The following ARHGAP26 variants were observed in gnomAD, a reference collection of about 807,000 sequenced individuals.
The protein encoded by ARHGAP26 is Rho GTPase activating protein 26.
Under a neutral mutation model 104.8 loss-of-function variants are expected in ARHGAP26, and 38 were observed. The observed-to-expected ratio is 0.36, with a 90% CI of 0.28 to 0.48. ARHGAP26 has a LOEUF of 0.48. Among genes scored for constraint, ARHGAP26 ranks in the 20% least tolerant of loss-of-function variants. The probability of loss-of-function intolerance (pLI) is 0.99; values close to 1 mark genes in which losing one functional copy is unlikely to be tolerated. For missense variants in ARHGAP26, 704 were observed against 947.9 expected (o/e 0.74, Z 3.38); for synonymous variants, 341 against 340.0 (o/e 1.00, Z -0.03).
chr5:143,129,108 T>A (rs760658160), intron 18 of ARHGAP26, among the ~76,000 whole-genome samples: 9 of 152,202 alleles, frequency 5.9e-5, no homozygotes, highest in Non-Finnish European at 8.8e-5. Context: ...GGGGAATCAG[T>A]GAAATTTAAA....
intron 11 of ARHGAP26, among the ~76,000 whole-genome samples, chr5:143,011,692 C>T (rs1219759098): frequency 2.0e-5 from 3 of 152,060 alleles, no homozygotes; most frequent in African/African-American, 2.4e-5. Context: ...CTGTGTGGCT[C>T]AATTTGGAAA....
intron 5 of ARHGAP26, among the ~76,000 whole-genome samples, chr5:142,888,120 T>C (rs1757985753): frequency 6.6e-6 from 1 of 152,234 alleles, no homozygotes; most frequent in East Asian, 1.9e-4. Context: ...GCACTTTACA[T>C]GGAATCTTCT....
chr5:143,076,833 C>G (rs1176855235), intron 17 of ARHGAP26, among the ~76,000 whole-genome samples: 3 of 152,172 alleles, frequency 2.0e-5, no homozygotes, highest in African/African-American at 7.2e-5. Flanking sequence ...TCTTTAAATG[C>G]TGTGTAAATA....
chr5:143,012,820 A>AT (rs1397573332), intron 11 of ARHGAP26, among the ~76,000 whole-genome samples: 7 of 150,604 alleles, frequency 4.6e-5, no homozygotes, highest in Admixed American at 1.3e-4. Flanking sequence ...TGCCTGGCTA[A>AT]TTTTTTGTGT....
At chr5:142,967,877 G>A (rs1207737487) in intron 11 of ARHGAP26, among the ~76,000 whole-genome samples, 1 of 152,198 alleles carries the variant, frequency 6.6e-6, no homozygotes, top group Non-Finnish European at 1.5e-5. Context: ...GATAAAATCA[G>A]TGATGAGCAA....
chr5:143,134,752 A>G (rs1797732061), intron 19 of ARHGAP26, among the ~76,000 whole-genome samples: 1 of 152,242 alleles, frequency 6.6e-6, no homozygotes, highest in Non-Finnish European at 1.5e-5. Context: ...TAAAATATAC[A>G]GTATTGTTTC....
At chr5:143,172,523 T>C (rs1036745354) in intron 20 of ARHGAP26, among the ~76,000 whole-genome samples, 4 of 152,224 alleles carry the variant, frequency 2.6e-5, no homozygotes, top group African/African-American at 9.6e-5. Flanking sequence ...ATTTGTCATG[T>C]GAATCTCTAT....
At chr5:142,975,814 A>G (rs1772992919) in intron 11 of ARHGAP26, among the ~76,000 whole-genome samples, 1 of 152,254 alleles carries the variant, frequency 6.6e-6, no homozygotes, top group South Asian at 2.1e-4. Context: ...GAGTATTAAG[A>G]AAACATAATA....
At chr5:142,905,519 T>G (rs1021924927) in intron 8 of ARHGAP26, among the ~76,000 whole-genome samples, 7 of 152,212 alleles carry the variant, frequency 4.6e-5, no homozygotes, top group Admixed American at 4.6e-4. Context: ...TTTTAACATT[T>G]AGCCACAATG....
At chr5:143,064,031 G>A (rs959183807) in intron 17 of ARHGAP26, among the ~76,000 whole-genome samples, 3 of 152,166 alleles carry the variant, frequency 2.0e-5, no homozygotes, top group African/African-American at 7.2e-5. Flanking sequence ...CATGTGTTTG[G>A]TGGTGGTGGT....
intron 5 of ARHGAP26, among the ~76,000 whole-genome samples, chr5:142,891,595 G>T (rs1173489993): frequency 7.7e-6 from 1 of 129,944 alleles, no homozygotes; most frequent in African/African-American, 3.5e-5. Flanking sequence ...TGGATGATTT[G>T]CTAAGCTCTT....
chr5:142,799,073 A>ACTTGGTTC (rs1761543907), intron 1 of ARHGAP26, among the ~76,000 whole-genome samples: 1 of 152,180 alleles, frequency 6.6e-6, no homozygotes, highest in Non-Finnish European at 1.5e-5. Context: ...ATTAAACCTA[A>ACTTGGTTC]CAGACATCGC....
chr5:143,027,550 T>A (rs1260911272), intron 12 of ARHGAP26, among the ~76,000 whole-genome samples: 1 of 152,064 alleles, frequency 6.6e-6, no homozygotes. Flanking sequence ...AACCAATTCA[T>A]CCATTTTTTA....
chr5:143,073,694 A>G (rs1375165420), intron 17 of ARHGAP26, among the ~76,000 whole-genome samples: 2 of 152,210 alleles, frequency 1.3e-5, no homozygotes, highest in African/African-American at 4.8e-5. Context: ...AAAAGTATGT[A>G]CACACACTGC....
At chr5:143,128,134 G>A (rs1433951937) in intron 18 of ARHGAP26, among the ~76,000 whole-genome samples, 1 of 152,142 alleles carries the variant, frequency 6.6e-6, no homozygotes, top group African/African-American at 2.4e-5. Context: ...TTAGTGACAA[G>A]TGCTGTGTAA....
intron 20 of ARHGAP26, among the ~76,000 whole-genome samples, chr5:143,176,424 AC>A (rs1803483441): frequency 1.3e-5 from 2 of 152,086 alleles, no homozygotes; most frequent in African/African-American, 4.8e-5. Context: ...TGGCAGGCGA[AC>A]CCTTTGGGCA....
intron 1 of ARHGAP26, among the ~76,000 whole-genome samples, chr5:142,855,161 T>C (rs938910021): frequency 1.3e-5 from 2 of 152,136 alleles, no homozygotes; most frequent in African/African-American, 4.8e-5. Flanking sequence ...TTTTAGAACA[T>C]AAATGCTCTC....
At chr5:143,056,194 A>G (rs2150276180) in intron 16 of ARHGAP26, 108 bp downstream of exon 16, 1 of 886,370 alleles carries the variant, frequency 1.1e-6, no homozygotes, top group Non-Finnish European at 1.8e-6. Flanking sequence ...TATTCTGCAC[A>G]TAAACTGGCC....
intron 1 of ARHGAP26, among the ~76,000 whole-genome samples, chr5:142,790,724 C>T (rs992858199): frequency 7.9e-5 from 12 of 152,170 alleles, no homozygotes; most frequent in Admixed American, 4.6e-4. Flanking sequence ...AGCACTTTCC[C>T]GCCACCTTCT....
Sources: allele counts gnomAD v4.1 joint callset (sites outside exome capture counted in the v4.1 genomes callset), GRCh38; gene constraint gnomAD v4.1.1; transcripts MANE v1.5; gene names NCBI Gene and HGNC (gene_info 2026-07-23, HGNC 2026-07-21).